NAA30: variants seen among roughly 807,000 people sequenced by gnomAD.
NAA30 encodes N-alpha-acetyltransferase 30, NatC catalytic subunit.
NAA30 carries 5 observed loss-of-function variants against 31.4 expected under a neutral mutation model. The observed-to-expected ratio is 0.16, with a 90% confidence interval of 0.08 to 0.33. NAA30 has a LOEUF of 0.33. NAA30 is among the 10% of genes least tolerant of loss of function. The pLI, the probability that NAA30 is intolerant of heterozygous loss-of-function variation, is 1.00. For synonymous variants in NAA30, 222 were observed against 207.1 expected (o/e 1.07, Z -0.62); for missense variants, 428 against 490.8 (o/e 0.87, Z 1.21).
In NAA30 at chr14:57,410,371, T is replaced by C. The variant is rs2066517818; in HGVS notation, c.*855T>C. On this transcript the variant is annotated 3_prime_UTR_variant, in exon 5 of 5. Transcript: ENST00000556492. ...AAAAGTTGATGGAGCCGGGAATTGCTGGGGTTTAGATGCACTTTTTCTTTT... is the reference window on the plus strand; with the variant it reads ...AAAAGTTGATGGAGCCGGGAATTGCCGGGGTTTAGATGCACTTTTTCTTTT... 1 of 152,580 alleles carries C rather than the reference T, an allele frequency of 6.6e-6. No individual in the cohort carries two copies. Among genetic ancestry groups the C allele is most frequent in the East Asian group, 1.9e-4 (1 of 5,194 alleles). 9.5% of individuals were successfully genotyped at this position (152,580 alleles called of 1,614,324 possible).
intron 1 of NAA30, 36 bp downstream of exon 1, chr14:57,390,741 G>T (rs2066422626): frequency 2.2e-6 from 1 of 450,448 alleles, no homozygotes. Context: ...TGACAGGGCT[G>T]GCGGGTGGGC....
rs1269971618 is a variant in NAA30 at position 57,411,159 on chromosome 14, A to C, written c.*1643A>C. 6.6e-6 allele frequency: 1 copy of C among 151,946 alleles called. No individual in the cohort carries two copies. Among genetic ancestry groups the C allele is most frequent in the African/African-American group, 2.4e-5 (1 of 41,306 alleles). The allele number at this position is 151,946 out of a possible 1,614,324, so 9.4% of individuals were successfully genotyped here. ...CTTTAAAAATAAAGATACACAATTT[A>C]TATTTGAAAATAAAAACTTTCTGCT... is the stretch of plus-strand genomic sequence containing the variant. On this transcript the variant is annotated 3_prime_UTR_variant, in exon 5 of 5. Coordinates refer to ENST00000556492, the MANE Select transcript of NAA30 (RefSeq NM_001011713.3).
In NAA30 at chr14:57,391,445, C is replaced by T. The variant is rs377369730; in HGVS notation, c.488C>T (p.Ala163Val). 6.2e-6 allele frequency: 10 copies of T among 1,608,042 alleles called. No individual in the cohort carries two copies. The East Asian group carries it at 1.1e-4, about 18-fold the overall frequency. Residue 163 changes from alanine (A) to valine (V), a missense_variant, in exon 2 of 5, where the codon GCG becomes GTG. Coordinates refer to ENST00000556492, the MANE Select transcript of NAA30 (RefSeq NM_001011713.3). This position sits in a 1 kb window ranked among gnomAD's most constrained non-coding sequence, Gnocchi z 4.1. ...GAGGCAGCGGCGGCGAGCGATCCCG[C>T]GGCGGCCCGCAATGGACTGGCCGAG... ...PVEAAAASDP[A>V]AARNGLAEGT...
At chr14:57,402,945 C>T (rs2066482974) in intron 4 of NAA30, among the ~76,000 whole-genome samples, 1 of 152,166 alleles carries the variant, frequency 6.6e-6, no homozygotes, top group Non-Finnish European at 1.5e-5. Context: ...CTTTGGGAGT[C>T]CAAGGCTGGC....
chr14:57,396,201 C>A (rs2066449810), intron 2 of NAA30, among the ~76,000 whole-genome samples: 1 of 152,172 alleles, frequency 6.6e-6, no homozygotes, highest in Non-Finnish European at 1.5e-5. Context: ...TCTCAAACCC[C>A]TGAGCTCAAG....
intron 1 of NAA30, 121 bp from the exon 2 acceptor site, chr14:57,390,836 G>A (rs1029137892): frequency 7.3e-6 from 7 of 965,000 alleles, no homozygotes; most frequent in Non-Finnish European, 1.0e-5. Flanking sequence ...GGGCAGCTCC[G>A]TGAGGGACGG....
At chr14:57,396,989 A>G (rs572615046) in intron 3 of NAA30, 114 bp downstream of exon 3, 2 of 984,590 alleles carry the variant, frequency 2.0e-6, no homozygotes, top group Admixed American at 5.7e-5. Flanking sequence ...CTAAGGGAAG[A>G]AAATTAAGGC....
rs1344826395 is a variant in NAA30 at position 57,413,617 on chromosome 14, G to C, written c.*4101G>C. On this transcript the variant is annotated 3_prime_UTR_variant, in exon 5 of 5. Coordinates refer to ENST00000556492, the MANE Select transcript of NAA30 (RefSeq NM_001011713.3). ...AGCAATTCTTGTGCCTTAGCCTCCTGAGTAGCTGGGACTACAGGTGCATGC... is the reference window on the plus strand; with the variant it reads ...AGCAATTCTTGTGCCTTAGCCTCCTCAGTAGCTGGGACTACAGGTGCATGC... The C allele has an allele frequency of 1.3e-5, 2 of 152,236 alleles. No homozygotes were observed. Among genetic ancestry groups the C allele is most frequent in the East Asian group, 3.9e-4 (2 of 5,178 alleles). The allele number at this position is 152,236 out of a possible 1,614,324, so 9.4% of individuals were successfully genotyped here.
At chr14:57,398,364 T>G (rs1406828711) in intron 3 of NAA30, among the ~76,000 whole-genome samples, 2 of 152,158 alleles carry the variant, frequency 1.3e-5, no homozygotes, top group East Asian at 3.9e-4. Flanking sequence ...ACCAGTGGCT[T>G]TTGGGTTGCA....
At chr14:57,404,412 C>T (rs2066490145) in intron 4 of NAA30, among the ~76,000 whole-genome samples, 1 of 152,134 alleles carries the variant, frequency 6.6e-6, no homozygotes, top group South Asian at 2.1e-4. Flanking sequence ...ATTAGGATTT[C>T]TTAATGGAAT....
chr14:57,398,264 A>T (rs1271828748), intron 3 of NAA30, among the ~76,000 whole-genome samples: 1 of 152,020 alleles, frequency 6.6e-6, no homozygotes, highest in Non-Finnish European at 1.5e-5. Context: ...TGTTTTATGG[A>T]CTAAGTTTGA....
intron 2 of NAA30, among the ~76,000 whole-genome samples, chr14:57,392,233 T>C (rs1419642360): frequency 6.6e-6 from 1 of 152,176 alleles, no homozygotes; most frequent in Admixed American, 6.5e-5. Context: ...TCGGTAATTA[T>C]GGAGATGTTT....
intron 2 of NAA30, among the ~76,000 whole-genome samples, chr14:57,396,275 A>T (rs180873940): frequency 4.6e-5 from 7 of 152,292 alleles, no homozygotes. Flanking sequence ...GCACCTGGCC[A>T]TTATTACTAA....
chr14:57,397,745 C>T (rs559447016), intron 3 of NAA30, among the ~76,000 whole-genome samples: 8 of 152,268 alleles, frequency 5.3e-5, no homozygotes, highest in Admixed American at 2.6e-4. Context: ...GGCAAGATGG[C>T]GAAACCCTGT....
intron 4 of NAA30, among the ~76,000 whole-genome samples, chr14:57,403,192 C>T (rs936990384): frequency 2.1e-5 from 3 of 141,572 alleles, no homozygotes; most frequent in Non-Finnish European, 4.5e-5. Flanking sequence ...GAAAGAGATA[C>T]ATTTGGAAAT....
intron 1 of NAA30, 24 bp from the exon 2 acceptor site, chr14:57,390,933 C>G: frequency 6.8e-7 from 1 of 1,460,552 alleles, no homozygotes; most frequent in South Asian, 1.5e-5. Context: ...CATGGCCTCC[C>G]CTCTCGGTCT....
chr14:57,405,327 A>G (rs2066493956), intron 4 of NAA30, among the ~76,000 whole-genome samples: 1 of 151,902 alleles, frequency 6.6e-6, no homozygotes, highest in South Asian at 2.1e-4. Flanking sequence ...AGGTACAGTC[A>G]TTCTTTTTCC....
intron 2 of NAA30, among the ~76,000 whole-genome samples, chr14:57,395,886 AATTTTTT>A (rs907994786): frequency 7.9e-5 from 12 of 152,266 alleles, no homozygotes; most frequent in East Asian, 1.9e-4. Flanking sequence ...GAAAATTTTT[AATTTTTT>A]TTTCCTGATC....
intron 3 of NAA30, among the ~76,000 whole-genome samples, chr14:57,399,531 C>CCTA (rs964441483): frequency 3.9e-5 from 6 of 152,196 alleles, no homozygotes; most frequent in African/African-American, 1.4e-4. Flanking sequence ...CTTTCGCTTT[C>CCTA]CTACTGCTTT....
Sources: gnomAD v4.1 joint callset for allele counts (sites outside exome capture counted in the v4.1 genomes callset) on GRCh38, gnomAD v4.1.1 for gene constraint, Gnocchi (gnomAD v3.1) non-coding constraint, MANE v1.5 for transcripts, NCBI Gene and HGNC (gene_info 2026-07-23, HGNC 2026-07-21) for gene names.